Variants in TBL1XR1 observed in about 807,000 individuals in gnomAD.
TBL1XR1 encodes TBL1X/Y related 1.
Under a neutral mutation model 66.9 loss-of-function variants are expected in TBL1XR1, and 5 were observed. The observed-to-expected ratio is 0.07, with a 90% CI of 0.04 to 0.16. The LOEUF (loss-of-function observed/expected upper bound fraction) is 0.16, where lower values mean the gene tolerates loss of function less well. Ranked by LOEUF, TBL1XR1 falls within the 10% of genes least tolerant of loss-of-function variation. The pLI is 1.00. For missense variants in TBL1XR1, 238 were observed against 623.2 expected, an observed-to-expected ratio of 0.38 and a Z score of 6.58; for synonymous variants, 210 against 206.0, an observed-to-expected ratio of 1.02 and a Z score of -0.17.
At chr3:177,176,128 T>C (rs915493675) in intron 1 of TBL1XR1, among the ~76,000 whole-genome samples, 7 of 151,646 alleles carry the variant, frequency 4.6e-5, no homozygotes, top group Admixed American at 3.9e-4. Context: ...TGGGGGAAAA[T>C]TTAAAAAGTA....
intron 1 of TBL1XR1, among the ~76,000 whole-genome samples, chr3:177,178,568 T>C (rs1734429951): frequency 6.6e-6 from 1 of 152,084 alleles, no homozygotes; most frequent in Admixed American, 6.5e-5. Context: ...AACTTTCAGG[T>C]GAAGGAAGCA....
Position 177,025,063 on chromosome 3 carries a change from G to A in TBL1XR1, c.*435C>T, listed in dbSNP as rs1712914521. On this transcript the variant is annotated 3_prime_UTR_variant, in exon 16 of 16. Transcript: ENST00000457928. ...AAACTACTGCTGCAAGTTTTTGTAA[G>A]TCCATTTTCTCTGTACATACAAACT... The A allele has an allele frequency of 6.1e-6, 1 of 163,792 alleles. No individual in the cohort carries two copies. Among genetic ancestry groups the A allele is most frequent in the African/African-American group, 2.4e-5 (1 of 41,944 alleles). 10.1% of individuals were successfully genotyped at this position (163,792 alleles called of 1,614,324 possible). A position where few individuals can be genotyped will look rare whatever the true frequency, so the allele number is the denominator to read the frequency against.
chr3:177,087,479 G>A (rs1187616157), intron 2 of TBL1XR1, among the ~76,000 whole-genome samples: 1 of 152,076 alleles, frequency 6.6e-6, no homozygotes, highest in Non-Finnish European at 1.5e-5. Context: ...TCTCCTTACA[G>A]GTGCTAGTAA....
At chr3:177,117,773 TGC>T (rs1560195261) in intron 1 of TBL1XR1, among the ~76,000 whole-genome samples, 4 of 152,202 alleles carry the variant, frequency 2.6e-5, no homozygotes, top group Admixed American at 2.6e-4. Flanking sequence ...TCTACTTCTA[TGC>T]CACTGATTGG....
intron 1 of TBL1XR1, among the ~76,000 whole-genome samples, chr3:177,130,705 G>A (rs1284336513): frequency 6.6e-6 from 1 of 151,710 alleles, no homozygotes; most frequent in East Asian, 1.9e-4. Context: ...AAGTTAACAA[G>A]TTAAAAAAAT....
At chr3:177,056,407 G>T (rs1717810324) in intron 3 of TBL1XR1, among the ~76,000 whole-genome samples, 1 of 152,168 alleles carries the variant, frequency 6.6e-6, no homozygotes, top group Non-Finnish European at 1.5e-5. Context: ...TGTTCTGTCA[G>T]ACCAGGAGAA....
At chr3:177,105,406 T>G (rs1047717089) in intron 1 of TBL1XR1, among the ~76,000 whole-genome samples, 1 of 151,968 alleles carries the variant, frequency 6.6e-6, no homozygotes, top group Non-Finnish European at 1.5e-5. Context: ...TAAGAAATAA[T>G]ATGAAGGGGG....
rs146706429 is a variant in TBL1XR1 at position 177,134,969 on chromosome 3, G to GTGTGTGTGTGTGTGTGTGTGTGTGTC, written c.-121-36429_-121-36428insGACACACACACACACACACACACACA. 3.2e-3 allele frequency among the ~76,000 whole-genome samples: 306 copies of GTGTGTGTGTGTGTGTGTGTGTGTGTC among 95,552 alleles called. 1 individual carries two copies. The highest frequency in any genetic ancestry group is 0.01 in the Admixed American group (97 of 9,446). The allele number at this position is 95,552 out of a possible 152,430, so 62.7% of individuals were successfully genotyped here. ...GCTGTGTGTGTGTGTGTGTGTGTCTGTGTGTGTGTCTGTGTGTGTGTGTTT... is the reference window on the plus strand; with the variant it reads ...GCTGTGTGTGTGTGTGTGTGTGTCTGTGTGTGTGTGTGTGTGTGTGTGTGTCTGTGTGTGTCTGTGTGTGTGTGTTT... On this transcript the variant is annotated intron_variant, in intron 1 of 15. Coordinates refer to ENST00000457928, the MANE Select transcript of TBL1XR1 (RefSeq NM_024665.7).
At chr3:177,187,905 GA>G (rs202111731) in intron 1 of TBL1XR1, among the ~76,000 whole-genome samples, 6,841 of 58,672 alleles carry the variant, frequency 0.12, 679 homozygotes, top group East Asian at 0.58. Context: ...CATTTAAAAA[GA>G]AAAAAAAAAA....
intron 7 of TBL1XR1, 127 bp downstream of exon 7, chr3:177,049,870 C>T (rs2108489887): frequency 1.9e-6 from 2 of 1,037,300 alleles, no homozygotes; most frequent in East Asian, 2.7e-5. Context: ...GGACGACTCC[C>T]GGTTTGTTGT....
At chr3:177,169,676 T>C (rs576874623) in intron 1 of TBL1XR1, among the ~76,000 whole-genome samples, 24 of 152,318 alleles carry the variant, frequency 1.6e-4, no homozygotes, top group South Asian at 2.1e-4. Flanking sequence ...ACTGCACCCA[T>C]ACCCATATAA....
intron 1 of TBL1XR1, among the ~76,000 whole-genome samples, chr3:177,164,984 A>C (rs1732653160): frequency 6.6e-6 from 1 of 152,204 alleles, no homozygotes; most frequent in Admixed American, 6.5e-5. Flanking sequence ...GTGGCAAAGA[A>C]ATGTATGATA....
intron 2 of TBL1XR1, among the ~76,000 whole-genome samples, chr3:177,092,658 A>G (rs1159626246): frequency 2.0e-5 from 3 of 152,114 alleles, no homozygotes; most frequent in East Asian, 3.9e-4. Flanking sequence ...ACCCTGTTGC[A>G]CTATTGGTAG....
At chr3:177,155,491 AAATTT>A (rs1731381042) in intron 1 of TBL1XR1, among the ~76,000 whole-genome samples, 1 of 152,344 alleles carries the variant, frequency 6.6e-6, no homozygotes, top group East Asian at 1.9e-4. Context: ...TCTATGAAAG[AAATTT>A]AATTTGGGAA....
chr3:177,158,229 C>CT (rs869191638), intron 1 of TBL1XR1, among the ~76,000 whole-genome samples: 979 of 40,650 alleles, frequency 0.024, 5 homozygotes, highest in South Asian at 0.066. Flanking sequence ...TGTTTCTTTT[C>CT]TTTTTTTTTT....
At chr3:177,164,385 T>G (rs1732579046) in intron 1 of TBL1XR1, among the ~76,000 whole-genome samples, 2 of 151,370 alleles carry the variant, frequency 1.3e-5, no homozygotes, top group South Asian at 4.2e-4. Flanking sequence ...GAGTCTTGCC[T>G]GTCGCCCAGG....
chr3:177,063,170 G>A (rs1033517233), intron 3 of TBL1XR1, among the ~76,000 whole-genome samples: 5 of 151,840 alleles, frequency 3.3e-5, no homozygotes, highest in Non-Finnish European at 7.4e-5. Context: ...TAATCTACTC[G>A]TTCAGAAATT....
intron 12 of TBL1XR1, among the ~76,000 whole-genome samples, chr3:177,034,561 G>C (rs1409671434): frequency 6.6e-6 from 1 of 151,804 alleles, no homozygotes; most frequent in Non-Finnish European, 1.5e-5. Flanking sequence ...CTATTACAAA[G>C]TTTGAAGACT....
At chr3:177,026,097 G>A in intron 15 of TBL1XR1, 1 of 433,042 alleles carries the variant, frequency 2.3e-6, no homozygotes, top group East Asian at 4.8e-5. Context: ...TTCTCAGAAT[G>A]TTCCTCTGGT....
Sources: gnomAD v4.1 joint callset for allele counts (sites outside exome capture counted in the v4.1 genomes callset) on GRCh38, gnomAD v4.1.1 for gene constraint, MANE v1.5 for transcripts, NCBI Gene and HGNC (gene_info 2026-07-23, HGNC 2026-07-21) for gene names.